Variants in NAA11 observed in about 807,000 individuals in gnomAD.
NAA11 encodes N-alpha-acetyltransferase 11.
NAA11 carries 15 observed loss-of-function variants against 16.1 expected under a neutral mutation model. That is an observed-to-expected ratio of 0.93 (90% CI 0.62 to 1.44). The LOEUF is 1.44. Ranked by LOEUF, NAA11 falls within the 40% of genes most tolerant of loss-of-function variation. The pLI is 0.00. For synonymous variants in NAA11, 122 were observed against 112.4 expected (o/e 1.09, Z -0.54); for missense variants, 298 against 291.3 (o/e 1.02, Z -0.17).
At chr4:79,276,265 A>G (rs933196225) in intron 2 of NAA11, among the ~76,000 whole-genome samples, 1 of 152,114 alleles carries the variant, frequency 6.6e-6, no homozygotes, top group Non-Finnish European at 1.5e-5. Flanking sequence ...CTGCCCATAA[A>G]AGATAATAAA....
chr4:79,250,129 C>A (rs867123345), intron 2 of NAA11, among the ~76,000 whole-genome samples: 1 of 152,264 alleles, frequency 6.6e-6, no homozygotes, highest in African/African-American at 2.4e-5. Context: ...GCAATCCACC[C>A]GCTATGAGGC....
intron 1 of NAA11, among the ~76,000 whole-genome samples, chr4:79,296,703 C>T (rs1459944809): frequency 6.6e-6 from 1 of 152,156 alleles, no homozygotes; most frequent in African/African-American, 2.4e-5. Context: ...GCTCTCTTTT[C>T]TTTGTCCTAG....
chr4:79,283,636 GGGTATGT>G (rs1254302288), intron 2 of NAA11, among the ~76,000 whole-genome samples: 1 of 152,074 alleles, frequency 6.6e-6, no homozygotes, highest in Admixed American at 6.6e-5. Context: ...AAATCTCTAA[GGGTATGT>G]GCTAACTTCA....
chr4:79,205,893 CT>C, the NAA11 span, among the ~76,000 whole-genome samples: 3 of 151,780 alleles, frequency 2.0e-5, no homozygotes, highest in Non-Finnish European at 4.4e-5. Context: ...TATTTTTTGT[CT>C]GCTTTATTGA....
At chr4:79,210,452 A>T in the NAA11 span, among the ~76,000 whole-genome samples, 3 of 152,144 alleles carry the variant, frequency 2.0e-5, no homozygotes, top group African/African-American at 7.2e-5. Context: ...TTCTGGCTCC[A>T]GGAGACCTTC....
chr4:79,182,573 T>C, the NAA11 span, among the ~76,000 whole-genome samples: 1 of 152,128 alleles, frequency 6.6e-6, no homozygotes, highest in African/African-American at 2.4e-5. Flanking sequence ...GGGAGGGAAG[T>C]AGTGTCTTTT....
In NAA11 at chr4:79,264,672, T is replaced by C. The variant is rs1475686883; in HGVS notation, c.*122+29333A>G. 6.6e-5 allele frequency among the ~76,000 whole-genome samples: 10 copies of C among 152,332 alleles called. No homozygotes were observed. In the East Asian group the frequency reaches 1.9e-3, roughly 29 times the overall value. On this transcript the variant is annotated intron_variant and NMD_transcript_variant, in intron 2 of 2. Coordinates refer to the NAA11 transcript ENST00000511542. Reference sequence around the variant, plus strand: ...TCTTCAGTCTTCCTCCTTGAAACACTGCCTGTGTTTGCTGGGGCAGTGCTC... The same window carrying C: ...TCTTCAGTCTTCCTCCTTGAAACACCGCCTGTGTTTGCTGGGGCAGTGCTC...
chr4:79,325,109 T>C lies in NAA11; in HGVS notation c.*12+67A>G, dbSNP rs1724219895. The stretch of plus-strand genomic sequence containing the variant: ...AGAATGGGGTAAGACAGGATGGAAT[T>C]GGGCAGGCCAAGGCAGGATGCAGGG... On this transcript the variant is annotated intron_variant, in intron 1 of 1. Transcript: ENST00000286794. The C allele has an allele frequency of 2.2e-6, 3 of 1,367,038 alleles. No individual in the cohort carries two copies. The African/African-American group carries it at 4.4e-5, about 20-fold the overall frequency. 84.7% of individuals were successfully genotyped at this position (1,367,038 alleles called of 1,614,324 possible).
the NAA11 span, among the ~76,000 whole-genome samples, chr4:79,168,059 C>T: frequency 6.6e-6 from 1 of 151,884 alleles, no homozygotes; most frequent in Non-Finnish European, 1.5e-5. Context: ...TGTGATCTTC[C>T]CCTCCCTGTG....
chr4:79,181,739 T>C, the NAA11 span, among the ~76,000 whole-genome samples: 1 of 152,204 alleles, frequency 6.6e-6, no homozygotes, highest in Non-Finnish European at 1.5e-5. Flanking sequence ...AGGAAAAGAA[T>C]AAAACACCGA....
intron 2 of NAA11, among the ~76,000 whole-genome samples, chr4:79,231,457 A>T (rs1191115291): frequency 5.3e-5 from 8 of 151,920 alleles, no homozygotes; most frequent in Non-Finnish European, 8.8e-5. Context: ...TCACAACAAA[A>T]TCCTGTGTCA....
intron 2 of NAA11, among the ~76,000 whole-genome samples, chr4:79,280,983 A>G (rs1722772476): frequency 6.6e-6 from 1 of 152,028 alleles, no homozygotes; most frequent in African/African-American, 2.4e-5. Flanking sequence ...TGATATAAGA[A>G]TAGTGTTTCA....
In NAA11 at chr4:79,325,721, C is replaced by A; in HGVS notation, c.157G>T (p.Val53Leu). Reference protein sequence around the residue: ...YIAEDEDGKIVGYVLAKMEEE... With the variant: ...YIAEDEDGKILGYVLAKMEEE... ...TCCATTTTGGCCAGAACATAGCCCACAATCTTCCCGTCCTCATCCTCAGCG... is the reference window on the plus strand; with the variant it reads ...TCCATTTTGGCCAGAACATAGCCCAAAATCTTCCCGTCCTCATCCTCAGCG... Residue 53 changes from valine (V) to leucine (L), a missense_variant, in exon 1 of 2, where the codon GTG becomes TTG. Physicochemically the swap from Val to Leu is conservative, Grantham distance 32. Transcript: ENST00000286794. 6.2e-7 allele frequency: 1 copy of A among 1,614,196 alleles called. No individual in the cohort carries two copies. Among genetic ancestry groups the A allele is most frequent in the Non-Finnish European group, 8.5e-7 (1 of 1,180,028 alleles).
chr4:79,272,867 T>C (rs1035172129), intron 2 of NAA11, among the ~76,000 whole-genome samples: 8 of 151,914 alleles, frequency 5.3e-5, no homozygotes, highest in African/African-American at 1.9e-4. Flanking sequence ...TAGAGATGGT[T>C]GGAATGGTTG....
rs747393843 is a variant in NAA11, at chr4:79,325,422, C to T, written c.456G>A (p.Ser152=). Residue 152 remains serine (S), a synonymous_variant, in exon 1 of 2, where the codon TCG becomes TCA. Coordinates refer to ENST00000286794, the MANE Select transcript of NAA11 (RefSeq NM_032693.3). ...GTCGTCTCAGCTCATCTGCCATCTG[C>T]GAGAGATCCCGCTTCATAGCATAAG... ...EDAYAMKRDL[S]QMADELRRQM... 1.4e-5 allele frequency: 22 copies of T among 1,614,060 alleles called. No individual in the cohort carries two copies. The highest frequency in any genetic ancestry group is 4.5e-5 in the East Asian group (2 of 44,890).
the NAA11 span, among the ~76,000 whole-genome samples, chr4:79,193,438 A>C: frequency 3.3e-5 from 5 of 152,192 alleles, no homozygotes; most frequent in African/African-American, 9.7e-5. Flanking sequence ...TCAGCTTTCT[A>C]CATATGGCTA....
At chr4:79,161,677 A>C in the NAA11 span, among the ~76,000 whole-genome samples, 1 of 144,414 alleles carries the variant, frequency 6.9e-6, no homozygotes, top group Non-Finnish European at 1.5e-5. Context: ...CCTTTTACTT[A>C]GTTTTTTTTT....
At chr4:79,300,159 G>T (rs1723342851) in intron 1 of NAA11, among the ~76,000 whole-genome samples, 2 of 152,270 alleles carry the variant, frequency 1.3e-5, no homozygotes, top group Non-Finnish European at 2.9e-5. Flanking sequence ...ATTGAGAACT[G>T]CTTCATTCAC....
At chr4:79,222,482 C>T (rs1721213715), downstream of NAA11, among the ~76,000 whole-genome samples, 1 of 150,306 alleles carries the variant, frequency 6.7e-6, no homozygotes, top group African/African-American at 2.5e-5. Context: ...ACACCTTATA[C>T]AAAAATCAAT....
Sources: allele counts gnomAD v4.1 joint callset (sites outside exome capture counted in the v4.1 genomes callset), GRCh38; gene constraint gnomAD v4.1.1; transcripts MANE v1.5; gene names NCBI Gene and HGNC (gene_info 2026-07-23, HGNC 2026-07-21).